NYAP2: variants seen among roughly 807,000 people sequenced by gnomAD.
NYAP2 encodes the protein neuronal tyrosine-phosphorylated phosphoinositide-3-kinase adaptor 2.
In NYAP2, 23 loss-of-function variants were observed where a neutral mutation model predicts 50.4. That is an observed-to-expected ratio of 0.46 (90% CI 0.33 to 0.65). NYAP2 has a LOEUF of 0.65. NYAP2 is among the 30% of genes least tolerant of loss of function. The probability of loss-of-function intolerance (pLI) is 0.02; values close to 1 mark genes in which losing one functional copy is unlikely to be tolerated. For synonymous variants in NYAP2, 394 were observed against 365.2 expected (o/e 1.08, Z -0.90); for missense variants, 885 against 861.0 (o/e 1.03, Z -0.35).
At chr2:225,448,744 G>GC (rs1689601292) in intron 3 of NYAP2, among the ~76,000 whole-genome samples, 1 of 152,296 alleles carries the variant, frequency 6.6e-6, no homozygotes, top group Non-Finnish European at 1.5e-5. Flanking sequence ...ACTGAACGGT[G>GC]ACAAGCCATT....
chr2:225,676,095 C>T, the NYAP2 span, among the ~76,000 whole-genome samples: 1 of 152,084 alleles, frequency 6.6e-6, no homozygotes, highest in Non-Finnish European at 1.5e-5. Flanking sequence ...TCCTCTCATT[C>T]TATATGCTGT....
chr2:225,698,014 AT>A, the NYAP2 span, among the ~76,000 whole-genome samples: 1 of 151,502 alleles, frequency 6.6e-6, no homozygotes, highest in Admixed American at 6.6e-5. Context: ...CTCTACCAAA[AT>A]TTTTTTTAAA....
At chr2:225,411,348 G>T (rs1695035772) in intron 3 of NYAP2, among the ~76,000 whole-genome samples, 1 of 152,146 alleles carries the variant, frequency 6.6e-6, no homozygotes, top group African/African-American at 2.4e-5. Context: ...GCCTAAGCTA[G>T]CAGAATGATG....
chr2:225,667,892 T>C, the NYAP2 span, among the ~76,000 whole-genome samples: 1 of 152,178 alleles, frequency 6.6e-6, no homozygotes, highest in East Asian at 1.9e-4. Flanking sequence ...ATAATGTCAC[T>C]TCATTTCTGA....
At chr2:225,572,702 C>T (rs1451410926) in intron 4 of NYAP2, among the ~76,000 whole-genome samples, 1 of 152,166 alleles carries the variant, frequency 6.6e-6, no homozygotes, top group African/African-American at 2.4e-5. Context: ...AAAGCTTTCT[C>T]ATCGAATCTG....
intron 4 of NYAP2, among the ~76,000 whole-genome samples, chr2:225,574,830 G>A (rs1320893537): frequency 6.6e-6 from 1 of 152,110 alleles, no homozygotes; most frequent in African/African-American, 2.4e-5. Context: ...TGTCAACAGG[G>A]GCTCTTATAG....
intron 3 of NYAP2, among the ~76,000 whole-genome samples, chr2:225,497,936 A>G (rs930017232): frequency 6.6e-6 from 1 of 152,146 alleles, no homozygotes; most frequent in African/African-American, 2.4e-5. Context: ...CTTATTATCT[A>G]TATTTCACTT....
intron 3 of NYAP2, among the ~76,000 whole-genome samples, chr2:225,436,614 G>A (rs1160047836): frequency 1.3e-5 from 2 of 151,798 alleles, no homozygotes; most frequent in South Asian, 2.1e-4. Context: ...TGAGGTACAG[G>A]GAGTTAAGAC....
chr2:225,458,992 CTCTT>C (rs1238032704), intron 3 of NYAP2, among the ~76,000 whole-genome samples: 2 of 152,176 alleles, frequency 1.3e-5, no homozygotes, highest in African/African-American at 4.8e-5. Flanking sequence ...CATATTTAGT[CTCTT>C]TCTAGTTTCT....
At chr2:225,629,020 G>T (rs1338339094) in intron 6 of NYAP2, among the ~76,000 whole-genome samples, 1 of 152,108 alleles carries the variant, frequency 6.6e-6, no homozygotes, top group Non-Finnish European at 1.5e-5. Context: ...TATATAAAGA[G>T]ATTTATTATG....
At chr2:225,515,637 T>C (rs1028128990) in intron 4 of NYAP2, among the ~76,000 whole-genome samples, 1 of 152,200 alleles carries the variant, frequency 6.6e-6, no homozygotes, top group African/African-American at 2.4e-5. Context: ...CCCAGTAGTA[T>C]ACTAAAAGGC....
intron 3 of NYAP2, among the ~76,000 whole-genome samples, chr2:225,474,081 T>G (rs1322710279): frequency 8.1e-4 from 123 of 152,262 alleles, no homozygotes; most frequent in Non-Finnish European, 3.4e-4. Flanking sequence ...TTTCCCCATT[T>G]CTTGTTTTTG....
At chr2:225,700,450 G>C in the NYAP2 span, 2 of 151,428 alleles carry the variant, frequency 1.3e-5, no homozygotes, top group Non-Finnish European at 3.0e-5. Flanking sequence ...AATTAGGAAG[G>C]GATCTTAAGT....
chr2:225,549,352 C>A lies in NYAP2; in HGVS notation c.524-32589C>A, dbSNP rs190140394. Among the ~76,000 whole-genome samples, 28 of 152,170 alleles carry A rather than the reference C, an allele frequency of 1.8e-4. No individual in the cohort carries two copies. In the East Asian group the frequency reaches 5.4e-3, roughly 29 times the overall value. On this transcript the variant is annotated intron_variant, in intron 4 of 6. Transcript: ENST00000636099. The stretch of plus-strand genomic sequence containing the variant: ...CTCTAAACAGTGAACTCCTATAGAA[C>A]AAAATTTATATTAATTGAATATAGT...
rs59633366 is a variant in NYAP2 at position 225,579,683 on chromosome 2, C to T, written c.524-2258C>T. The stretch of plus-strand genomic sequence containing the variant: ...CATCAACCGTTGCTTCTCTGAATGC[C>T]GTGCCATGCCCAGATCTGCCACTGA... On this transcript the variant is annotated intron_variant, in intron 4 of 6. Coordinates refer to ENST00000636099, the Ensembl canonical transcript of NYAP2. Among the ~76,000 whole-genome samples, 1,366 of 152,242 alleles carry T rather than the reference C, an allele frequency of 9.0e-3. 18 individuals carry two copies. The highest frequency in any genetic ancestry group is 0.021 in the African/African-American group (880 of 41,542).
At chr2:225,592,219 C>T (rs1002077687) in intron 5 of NYAP2, among the ~76,000 whole-genome samples, 26 of 152,186 alleles carry the variant, frequency 1.7e-4, no homozygotes, top group African/African-American at 6.0e-4. Context: ...TACTGAGCTA[C>T]CATCCTGGGA....
intron 3 of NYAP2, among the ~76,000 whole-genome samples, chr2:225,425,921 G>A (rs1161683814): frequency 3.3e-5 from 5 of 152,180 alleles, no homozygotes; most frequent in Admixed American, 1.3e-4. Context: ...GAATTAGTGT[G>A]TCATTGTATG....
At chr2:225,557,973 A>G (rs1691807269) in intron 4 of NYAP2, among the ~76,000 whole-genome samples, 1 of 152,182 alleles carries the variant, frequency 6.6e-6, no homozygotes, top group Non-Finnish European at 1.5e-5. Flanking sequence ...AAAGATCCAG[A>G]GAAAAATGAA....
At chr2:225,419,590 T>C (rs765011914) in intron 3 of NYAP2, among the ~76,000 whole-genome samples, 1 of 152,194 alleles carries the variant, frequency 6.6e-6, no homozygotes, top group East Asian at 1.9e-4. Flanking sequence ...GAATTGGAAA[T>C]AACAATCTTC....
Sources: gnomAD v4.1 joint callset for allele counts (sites outside exome capture counted in the v4.1 genomes callset) on GRCh38, gnomAD v4.1.1 for gene constraint, MANE v1.5 for transcripts, NCBI Gene and HGNC (gene_info 2026-07-23, HGNC 2026-07-21) for gene names.